Variants in DENND4A observed in about 807,000 individuals in gnomAD.
DENND4A encodes the protein C-myc promoter-binding protein.
A neutral mutation model predicts 199.3 loss-of-function variants in DENND4A; 70 were observed. The ratio of observed to expected loss-of-function variants is 0.35; its 90% CI spans 0.29 to 0.43. DENND4A has a LOEUF of 0.43. Ranked by LOEUF, DENND4A falls within the 20% of genes least tolerant of loss-of-function variation. The pLI, the probability that DENND4A is intolerant of heterozygous loss-of-function variation, is 1.00. For missense variants in DENND4A, 1,723 were observed against 2,255.8 expected (o/e 0.76, Z 4.78); for synonymous variants, 686 against 766.9 (o/e 0.89, Z 1.74).
At chr15:65,717,663 T>C in intron 13 of DENND4A, 115 bp downstream of exon 13, 1 of 938,914 alleles carries the variant, frequency 1.1e-6, no homozygotes, top group Non-Finnish European at 1.6e-6. Flanking sequence ...ATTCAGATTC[T>C]CCTCAAAATA....
intron 23 of DENND4A, chr15:65,681,033 ACT>A (rs2076555484): frequency 6.6e-6 from 1 of 151,978 alleles, no homozygotes; most frequent in Non-Finnish European, 1.5e-5. Context: ...TGCTCCATTG[ACT>A]CTTCCTTTCA....
At chr15:65,736,471 G>T (rs2076122440) in intron 7 of DENND4A, among the ~76,000 whole-genome samples, 1 of 149,750 alleles carries the variant, frequency 6.7e-6, no homozygotes. Context: ...TCACCATGTT[G>T]GCCAAGCTGG....
In DENND4A at chr15:65,664,349, T is replaced by C; in HGVS notation, c.5568A>G (p.Gly1856=). 6.3e-7 allele frequency: 1 copy of C among 1,597,138 alleles called. No homozygotes were observed. Among genetic ancestry groups the C allele is most frequent in the African/African-American group, 1.3e-5 (1 of 74,448 alleles). ...EILFLSLVAL[G]RENIDIDAFD... ...AATTACCTATATCAATGTTTTCTCTTCCCAGTGCCACAAGTGAGAGAAATA... is the reference window on the plus strand; with the variant it reads ...AATTACCTATATCAATGTTTTCTCTCCCCAGTGCCACAAGTGAGAGAAATA... The change falls in exon 32 of 33, where the codon GGA becomes GGG. Residue 1856 remains glycine, a synonymous_variant. Coordinates refer to ENST00000443035, the MANE Select transcript of DENND4A (RefSeq NM_001320835.1).
intron 4 of DENND4A, among the ~76,000 whole-genome samples, chr15:65,742,306 T>C (rs2076278989): frequency 6.6e-6 from 1 of 152,110 alleles, no homozygotes. Flanking sequence ...TTTTTTTAAA[T>C]GGAGTCTCGC....
chr15:65,778,022 G>A (rs1216097167), intron 1 of DENND4A, among the ~76,000 whole-genome samples: 1 of 151,840 alleles, frequency 6.6e-6, no homozygotes, highest in African/African-American at 2.4e-5. Context: ...GACAGAGGGA[G>A]ACTCCGTATC....
At chr15:65,775,281 G>T (rs1209806336) in intron 1 of DENND4A, among the ~76,000 whole-genome samples, 1 of 151,972 alleles carries the variant, frequency 6.6e-6, no homozygotes, top group Non-Finnish European at 1.5e-5. Flanking sequence ...AGGAGGTCAA[G>T]GCTATAGTGA....
At chr15:65,689,031 T>C (rs2076885869) in intron 23 of DENND4A, among the ~76,000 whole-genome samples, 1 of 152,208 alleles carries the variant, frequency 6.6e-6, no homozygotes, top group African/African-American at 2.4e-5. Context: ...TTCAGCACTT[T>C]AAAGATATCT....
intron 13 of DENND4A, 100 bp from the exon 14 acceptor site, chr15:65,715,723 C>T (rs2075377172): frequency 9.0e-7 from 1 of 1,106,296 alleles, no homozygotes; most frequent in Non-Finnish European, 1.3e-6. Flanking sequence ...GTCATCTATA[C>T]CTCCCACACC....
intron 1 of DENND4A, among the ~76,000 whole-genome samples, chr15:65,764,683 AT>A (rs1567090363): frequency 1.3e-5 from 2 of 151,918 alleles, no homozygotes; most frequent in African/African-American, 4.8e-5. Context: ...TTAAAAAAAA[AT>A]AACAAGTGGC....
chr15:65,769,808 G>A (rs2080484484), intron 1 of DENND4A, among the ~76,000 whole-genome samples: 1 of 152,006 alleles, frequency 6.6e-6, no homozygotes. Flanking sequence ...TCACAAAGAA[G>A]TACCAAAGAT....
chr15:65,741,629 C>T (rs752143046), intron 5 of DENND4A, 86 bp downstream of exon 5: 2 of 1,067,682 alleles, frequency 1.9e-6, no homozygotes, highest in South Asian at 2.8e-5. Flanking sequence ...GATACTAACA[C>T]AGACTAGGCA....
At position 65,694,449 on chromosome 15, in the gene DENND4A, CAA is replaced by C. The variant is rs34568814; in HGVS notation, c.3082+1915_3082+1916del. Among the ~76,000 whole-genome samples, 45 of 130,434 alleles carry C rather than the reference CAA, an allele frequency of 3.5e-4. No individual in the cohort carries two copies. The East Asian group carries it at 5.0e-3, about 14-fold the overall frequency. The allele number at this position is 130,434 out of a possible 152,430, so 85.6% of individuals were successfully genotyped here. A position where few individuals can be genotyped will look rare whatever the true frequency, so the allele number is the denominator to read the frequency against. ...GGGCACCAGAGTGAGACTCTGTCTC[CAA>C]AAAAAAAAAAAATTCAAGATAGGGT... On this transcript the variant is annotated intron_variant, in intron 22 of 32. Transcript: ENST00000443035.
chr15:65,750,926 A>G (rs1471910690), intron 4 of DENND4A, among the ~76,000 whole-genome samples: 1 of 152,168 alleles, frequency 6.6e-6, no homozygotes, highest in Non-Finnish European at 1.5e-5. Context: ...AGAGAGCAGA[A>G]GTGGAAGAAC....
chr15:65,696,168 T>C (rs1026747715), intron 22 of DENND4A, 198 bp downstream of exon 22: 1 of 516,808 alleles, frequency 1.9e-6, no homozygotes, highest in Non-Finnish European at 3.1e-6. Context: ...TTTACCCCTA[T>C]GCCTTGCTAT....
chr15:65,705,876 G>C (rs1477317538), intron 15 of DENND4A: 1 of 430,128 alleles, frequency 2.3e-6, no homozygotes, highest in Non-Finnish European at 3.1e-6. Context: ...GACATCATTA[G>C]AGAGCTTCCC....
At chr15:65,665,561 G>T in intron 29 of DENND4A, 99 bp from the exon 30 acceptor site, 1 of 853,494 alleles carries the variant, frequency 1.2e-6, no homozygotes, top group Non-Finnish European at 1.7e-6. Flanking sequence ...ATGTATATGT[G>T]CGAGACAGAA....
chr15:65,772,519 C>T (rs760774081), intron 1 of DENND4A, among the ~76,000 whole-genome samples: 1 of 151,556 alleles, frequency 6.6e-6, no homozygotes, highest in Non-Finnish European at 1.5e-5. Flanking sequence ...CCAGCCTGAC[C>T]AATATGGTGA....
At chr15:65,683,676 G>A (rs2076657241) in intron 23 of DENND4A, among the ~76,000 whole-genome samples, 1 of 152,128 alleles carries the variant, frequency 6.6e-6, no homozygotes, top group African/African-American at 2.4e-5. Context: ...TATTCTTAGT[G>A]ATTTGTAATT....
At chr15:65,705,972 T>C in intron 15 of DENND4A, 119 bp downstream of exon 15, 2 of 1,342,406 alleles carry the variant, frequency 1.5e-6, no homozygotes, top group Non-Finnish European at 9.6e-7. Flanking sequence ...GCTTACCACC[T>C]AAAAATTAGG....
Sources: gnomAD v4.1 joint callset for allele counts (sites outside exome capture counted in the v4.1 genomes callset) on GRCh38, gnomAD v4.1.1 for gene constraint, MANE v1.5 for transcripts, NCBI Gene and HGNC (gene_info 2026-07-23, HGNC 2026-07-21) for gene names.